Variants in EML1 observed in about 807,000 individuals in gnomAD.
The protein encoded by EML1 is EMAP like 1, also known as echinoderm microtubule-associated protein-like 1.
A neutral mutation model predicts 110.4 loss-of-function variants in EML1; 27 were observed. The observed-to-expected ratio is 0.24, with a 90% CI of 0.18 to 0.34. The LOEUF is 0.34. Among genes scored for constraint, EML1 ranks in the 10% least tolerant of loss-of-function variants. The pLI, the probability that EML1 is intolerant of heterozygous loss-of-function variation, is 1.00. For missense variants in EML1, 741 were observed against 1,030.9 expected (o/e 0.72, Z 3.85); for synonymous variants, 344 against 385.8 (o/e 0.89, Z 1.27).
chr14:99,860,842 C>T (rs2058991687), intron 2 of EML1, among the ~76,000 whole-genome samples: 1 of 152,032 alleles, frequency 6.6e-6, no homozygotes, highest in Admixed American at 6.5e-5. Flanking sequence ...TTCCCACCCT[C>T]TATTTTTCTT....
At chr14:99,896,116 G>A (rs183640600) in intron 6 of EML1, among the ~76,000 whole-genome samples, 3 of 152,130 alleles carry the variant, frequency 2.0e-5, no homozygotes, top group Non-Finnish European at 4.4e-5. Flanking sequence ...TTACTTTAGA[G>A]GAATCCTGCA....
upstream of EML1, among the ~76,000 whole-genome samples, chr14:99,770,779 A>ATTTTTTTTTTTTTTTTTTTTTT (rs34744469): frequency 1.1e-3 from 97 of 91,620 alleles, 6 homozygotes; most frequent in East Asian, 2.5e-3. Context: ...GTTTCCGCTG[A>ATTTTTTTTTTTTTTTTTTTTTT]TTTTTTTTTT....
At chr14:99,877,366 G>T (rs1265246773) in intron 3 of EML1, among the ~76,000 whole-genome samples, 1 of 152,090 alleles carries the variant, frequency 6.6e-6, no homozygotes, top group Non-Finnish European at 1.5e-5. Flanking sequence ...TCCATAGTGT[G>T]CTCTAAGAGG....
chr14:99,860,165 C>T (rs2058978547), intron 2 of EML1, among the ~76,000 whole-genome samples: 2 of 152,156 alleles, frequency 1.3e-5, no homozygotes, highest in African/African-American at 4.8e-5. Flanking sequence ...ATCCTTCCAC[C>T]GGATGCGTTC....
At chr14:99,929,348 C>T (rs2060324993) in intron 17 of EML1, among the ~76,000 whole-genome samples, 2 of 152,190 alleles carry the variant, frequency 1.3e-5, no homozygotes, top group Non-Finnish European at 2.9e-5. Context: ...CTCTGCAGAG[C>T]ATTGTGCAGA....
Position 99,909,447 on chromosome 14 carries a change from A to T in EML1, c.1207A>T (p.Ser403Cys). Reference sequence around the variant, plus strand: ...TCTCTACTTTTGGACACTAGAAGGAAGCTCCCTTAATAAGAAGCAAGGATT... The same window carrying T: ...TCTCTACTTTTGGACACTAGAAGGATGCTCCCTTAATAAGAAGCAAGGATT... ...SHLYFWTLEG[S>C]SLNKKQGLFE... Residue 403 changes from serine to cysteine, a missense_variant, in exon 11 of 22, where the codon AGC (serine) becomes TGC (cysteine). Transcript: ENST00000262233. 6.2e-7 allele frequency: 1 copy of T among 1,614,168 alleles called. No individual in the cohort carries two copies. Among genetic ancestry groups the T allele is most frequent in the East Asian group, 2.2e-5 (1 of 44,872 alleles).
intron 1 of EML1, among the ~76,000 whole-genome samples, chr14:99,807,661 C>T (rs943124666): frequency 7.2e-5 from 11 of 152,176 alleles, no homozygotes; most frequent in African/African-American, 2.4e-4. Context: ...GACCTCACTC[C>T]CCTCCCTCCT....
At chr14:99,884,980 C>T (rs879314165) in intron 4 of EML1, among the ~76,000 whole-genome samples, 9 of 152,206 alleles carry the variant, frequency 5.9e-5, no homozygotes, top group Non-Finnish European at 1.2e-4. Context: ...CAGATGGTGT[C>T]GTAACTGCCT....
At chr14:99,742,034 T>A (rs1017137475) in intron 1 of EML1, among the ~76,000 whole-genome samples, 1 of 152,124 alleles carries the variant, frequency 6.6e-6, no homozygotes, top group Non-Finnish European at 1.5e-5. Flanking sequence ...CTCCTTCGTG[T>A]GTGACCTCAG....
intron 3 of EML1, among the ~76,000 whole-genome samples, chr14:99,876,373 G>A (rs186321107): frequency 6.6e-6 from 1 of 152,232 alleles, no homozygotes; most frequent in African/African-American, 2.4e-5. Context: ...GCCCACTGGC[G>A]CCGCCTGAGA....
At chr14:99,931,848 C>A (rs373217571) in intron 17 of EML1, among the ~76,000 whole-genome samples, 79 of 152,326 alleles carry the variant, frequency 5.2e-4, no homozygotes, top group African/African-American at 1.9e-3. Flanking sequence ...GCCTCGAAGG[C>A]CACATTCTAA....
chr14:99,899,207 A>C (rs2059720978), intron 8 of EML1, among the ~76,000 whole-genome samples: 1 of 146,718 alleles, frequency 6.8e-6, no homozygotes, highest in Non-Finnish European at 1.5e-5. Context: ...ATTTAAGTAC[A>C]TACATTTTAT....
At chr14:99,888,799 G>C (rs1285427615) in intron 4 of EML1, among the ~76,000 whole-genome samples, 3 of 152,180 alleles carry the variant, frequency 2.0e-5, no homozygotes, top group African/African-American at 7.2e-5. Context: ...TTTTGTCTCT[G>C]GCAGAGTGGC....
At chr14:99,768,876 CCTGT>C (rs1490558172), upstream of EML1, among the ~76,000 whole-genome samples, 2 of 152,064 alleles carry the variant, frequency 1.3e-5, no homozygotes, top group African/African-American at 2.4e-5. Context: ...CGCCACCATG[CCTGT>C]CTAATTTTTG....
At chr14:99,892,485 T>TTTGAC (rs1329180175) in intron 5 of EML1, among the ~76,000 whole-genome samples, 3 of 152,164 alleles carry the variant, frequency 2.0e-5, no homozygotes, top group African/African-American at 7.2e-5. Flanking sequence ...TGTCCCACTG[T>TTTGAC]TTGACTTGGT....
chr14:99,931,076 AC>A (rs1440450422), intron 17 of EML1, among the ~76,000 whole-genome samples: 5 of 152,104 alleles, frequency 3.3e-5, no homozygotes, highest in African/African-American at 7.2e-5. Flanking sequence ...AACCCCTGCC[AC>A]CCAGCCAACC....
chr14:99,747,539 T>C (rs2057125646), intron 1 of EML1, among the ~76,000 whole-genome samples: 1 of 152,130 alleles, frequency 6.6e-6, no homozygotes, highest in South Asian at 2.1e-4. Context: ...AGGGTGGATG[T>C]CCTATGGGTG....
intron 13 of EML1, among the ~76,000 whole-genome samples, chr14:99,913,813 C>A (rs2059986713): frequency 6.6e-6 from 1 of 151,954 alleles, no homozygotes; most frequent in Non-Finnish European, 1.5e-5. Context: ...CCTCAGCCTC[C>A]CAAGTAGCTG....
At chr14:99,790,264 T>C (rs1365259202), upstream of EML1, among the ~76,000 whole-genome samples, 3 of 152,196 alleles carry the variant, frequency 2.0e-5, no homozygotes, top group African/African-American at 7.2e-5. Context: ...ATGTCTAAAT[T>C]GTGGCCACCA....
Sources: allele counts gnomAD v4.1 joint callset (sites outside exome capture counted in the v4.1 genomes callset), GRCh38; gene constraint gnomAD v4.1.1; transcripts MANE v1.5; gene names NCBI Gene and HGNC (gene_info 2026-07-23, HGNC 2026-07-21).